SYT1: variants seen among roughly 807,000 people sequenced by gnomAD.
The protein encoded by SYT1 is synaptotagmin 1.
A neutral mutation model predicts 44.8 loss-of-function variants in SYT1; 8 were observed. That is an observed-to-expected ratio of 0.18 (90% CI 0.10 to 0.32). SYT1 has a LOEUF of 0.32. Ranked by LOEUF, SYT1 falls within the 10% of genes least tolerant of loss-of-function variation. The pLI is 1.00. For synonymous variants in SYT1, 154 were observed against 188.8 expected, an observed-to-expected ratio of 0.82 and a Z score of 1.51; for missense variants, 286 against 509.3, an observed-to-expected ratio of 0.56 and a Z score of 4.22.
intron 1 of SYT1, among the ~76,000 whole-genome samples, chr12:78,918,538 C>T (rs1481837087): frequency 6.6e-6 from 1 of 152,026 alleles, no homozygotes; most frequent in Non-Finnish European, 1.5e-5. Flanking sequence ...GGATATGCAA[C>T]TCTTGATATG....
intron 4 of SYT1, among the ~76,000 whole-genome samples, chr12:79,275,759 T>C (rs1403036612): frequency 6.6e-6 from 1 of 152,208 alleles, no homozygotes; most frequent in Non-Finnish European, 1.5e-5. Flanking sequence ...AGGTGGCTTC[T>C]ACTGGCCTGA....
chr12:79,211,288 A>G (rs925086667), intron 3 of SYT1, among the ~76,000 whole-genome samples: 1 of 152,146 alleles, frequency 6.6e-6, no homozygotes, highest in Non-Finnish European at 1.5e-5. Context: ...TTTATAGATC[A>G]TTATAATTAA....
chr12:79,199,973 A>G (rs905492176), intron 3 of SYT1, among the ~76,000 whole-genome samples: 3 of 152,142 alleles, frequency 2.0e-5, no homozygotes, highest in Admixed American at 1.3e-4. Context: ...TTAAGAAAAT[A>G]TGTTTAAGAA....
chr12:78,935,110 C>G (rs1877980496), intron 1 of SYT1, among the ~76,000 whole-genome samples: 1 of 152,134 alleles, frequency 6.6e-6, no homozygotes, highest in Non-Finnish European at 1.5e-5. Context: ...GAGGATGGTA[C>G]ATCCTTGACC....
chr12:79,412,202 T>G (rs1380770581), intron 9 of SYT1, among the ~76,000 whole-genome samples: 1 of 152,132 alleles, frequency 6.6e-6, no homozygotes, highest in Non-Finnish European at 1.5e-5. Context: ...GATTCTTCCC[T>G]TGGGGTGGGC....
chr12:79,079,848 A>G (rs1876906702), intron 3 of SYT1, among the ~76,000 whole-genome samples: 2 of 152,240 alleles, frequency 1.3e-5, no homozygotes, highest in South Asian at 2.1e-4. Flanking sequence ...GAATAGATCC[A>G]TAAACATGAA....
chr12:78,933,853 A>G (rs1877888990), intron 1 of SYT1, among the ~76,000 whole-genome samples: 1 of 152,184 alleles, frequency 6.6e-6, no homozygotes, highest in Middle Eastern at 3.4e-3. Context: ...ATGGGGTAGA[A>G]TCCGATAACA....
intron 8 of SYT1, among the ~76,000 whole-genome samples, chr12:79,335,643 AAC>A (rs1486992765): frequency 6.6e-6 from 1 of 152,126 alleles, no homozygotes; most frequent in Non-Finnish European, 1.5e-5. Context: ...ATAGTTTACC[AAC>A]ACACACACAT....
chr12:78,880,754 A>G (rs1874410880), intron 1 of SYT1, among the ~76,000 whole-genome samples: 1 of 151,632 alleles, frequency 6.6e-6, no homozygotes, highest in Non-Finnish European at 1.5e-5. Context: ...TTGTAGACTA[A>G]GTTATAATTT....
intron 4 of SYT1, among the ~76,000 whole-genome samples, chr12:79,249,317 G>A (rs1048011103): frequency 6.6e-6 from 1 of 150,986 alleles, no homozygotes; most frequent in Non-Finnish European, 1.5e-5. Flanking sequence ...TGTTAGCCAG[G>A]ATGGTCTCGA....
intron 2 of SYT1, chr12:78,995,723 C>G (rs907623719): frequency 7.9e-5 from 12 of 152,064 alleles, no homozygotes; most frequent in African/African-American, 2.9e-4. Flanking sequence ...GTAGATTATG[C>G]TGGGAAAATC....
chr12:79,355,585 G>A (rs1883080558), intron 9 of SYT1, among the ~76,000 whole-genome samples: 1 of 152,150 alleles, frequency 6.6e-6, no homozygotes, highest in African/African-American at 2.4e-5. Context: ...AATCACTTGA[G>A]TCTACATAAT....
chr12:78,931,461 A>G (rs893853061), intron 1 of SYT1, among the ~76,000 whole-genome samples: 16 of 149,546 alleles, frequency 1.1e-4, no homozygotes, highest in African/African-American at 3.5e-4. Context: ...GAGAGAAAGA[A>G]AGAAAAAGAA....
intron 1 of SYT1, among the ~76,000 whole-genome samples, chr12:78,916,728 A>G (rs1876675110): frequency 6.6e-6 from 1 of 152,096 alleles, no homozygotes; most frequent in Middle Eastern, 3.4e-3. Flanking sequence ...TTTAATATTT[A>G]ATATTGAAAC....
intron 3 of SYT1, among the ~76,000 whole-genome samples, chr12:79,106,576 A>C (rs1278358295): frequency 6.6e-6 from 1 of 150,380 alleles, no homozygotes; most frequent in African/African-American, 2.4e-5. Context: ...GTATATATCT[A>C]ATTTACTTAC....
intron 3 of SYT1, among the ~76,000 whole-genome samples, chr12:79,117,697 AT>A (rs1279092726): frequency 6.8e-5 from 6 of 88,608 alleles, no homozygotes; most frequent in South Asian, 3.5e-4. Context: ...ATATATATAT[AT>A]ATATATATAT....
Position 79,451,622 on chromosome 12 carries a change from A to G in SYT1, c.*2498A>G, listed in dbSNP as rs1369324419. Reference sequence around the variant, plus strand: ...GTACTATGCCATCTTTCACTCTTTCACAAGTCAGTGATGGAACCTGCTTTA... The same window carrying G: ...GTACTATGCCATCTTTCACTCTTTCGCAAGTCAGTGATGGAACCTGCTTTA... On this transcript the variant is annotated 3_prime_UTR_variant, in exon 11 of 11. Transcript: ENST00000261205. The G allele has an allele frequency of 6.6e-6, 1 of 152,210 alleles. No individual in the cohort carries two copies. Among genetic ancestry groups the G allele is most frequent in the African/African-American group, 2.4e-5 (1 of 41,454 alleles). The allele number at this position is 152,210 out of a possible 1,614,324, so 9.4% of individuals were successfully genotyped here. A position where few individuals can be genotyped will look rare whatever the true frequency, so the allele number is the denominator to read the frequency against.
intron 1 of SYT1, among the ~76,000 whole-genome samples, chr12:78,916,556 G>A (rs117561163): frequency 6.6e-6 from 1 of 151,622 alleles, no homozygotes; most frequent in Non-Finnish European, 1.5e-5. Flanking sequence ...ATTACTTATT[G>A]ATCTGTTCGC....
At chr12:79,432,135 A>C (rs938989934) in intron 9 of SYT1, among the ~76,000 whole-genome samples, 4 of 152,126 alleles carry the variant, frequency 2.6e-5, no homozygotes, top group Non-Finnish European at 5.9e-5. Context: ...TCTCTTTTTA[A>C]AAAAGGGCCT....
Sources: allele counts gnomAD v4.1 joint callset (sites outside exome capture counted in the v4.1 genomes callset), GRCh38; gene constraint gnomAD v4.1.1; transcripts MANE v1.5; gene names NCBI Gene and HGNC (gene_info 2026-07-23, HGNC 2026-07-21).